CCDC160: variants seen among roughly 807,000 people sequenced by gnomAD.
CCDC160 encodes the protein coiled-coil domain containing 160.
For missense variants in CCDC160, 227 were observed against 215.6 expected, an observed-to-expected ratio of 1.05 and a Z score of -0.33; for synonymous variants, 94 against 79.4, an observed-to-expected ratio of 1.18 and a Z score of -0.98.
chrX:134,237,709 C>G (rs749322697), intron 1 of CCDC160, among the ~76,000 whole-genome samples: 1 of 112,068 alleles, frequency 8.9e-6, no homozygotes, highest in South Asian at 3.8e-4. Flanking sequence ...TTTCAGTTAA[C>G]AATTTACAGA....
At chrX:134,245,739 A>G (rs2077041387) in exon 2 of CCDC160, 1 of 1,169,048 alleles carries the variant, frequency 8.6e-7, no homozygotes, top group Non-Finnish European at 1.1e-6. Context: ...TGGTAACATC[A>G]TCAAGTATCC....
intron 1 of CCDC160, among the ~76,000 whole-genome samples, chrX:134,241,330 T>C (rs906191760): frequency 2.7e-5 from 3 of 111,992 alleles, no homozygotes; most frequent in Non-Finnish European, 5.6e-5. Context: ...ATATTCAATT[T>C]ATTTTATCAG....
downstream of CCDC160, among the ~76,000 whole-genome samples, chrX:134,246,400 A>G (rs2077043336): frequency 8.9e-6 from 1 of 111,843 alleles, no homozygotes; most frequent in Admixed American, 9.5e-5. Flanking sequence ...ATAGACTACA[A>G]GACGACTTAG....
intron 1 of CCDC160, among the ~76,000 whole-genome samples, chrX:134,238,286 T>C (rs1263499639): frequency 9.0e-6 from 1 of 110,644 alleles, no homozygotes; most frequent in African/African-American, 3.3e-5. Flanking sequence ...GGGAAATGGG[T>C]TGACAAAAAG....
chrX:134,239,923 A>G (rs951507372), intron 1 of CCDC160, among the ~76,000 whole-genome samples: 3 of 111,858 alleles, frequency 2.7e-5, no homozygotes, highest in East Asian at 5.6e-4. Flanking sequence ...CATAGTCCAC[A>G]CTCAGTTCCT....
downstream of CCDC160, chrX:134,246,004 AGTGTGTGTGTGTGTGT>A: frequency 4.9e-6 from 1 of 204,976 alleles, no homozygotes; most frequent in Non-Finnish European, 8.6e-6. Flanking sequence ...CTCATATCAG[AGTGTGTGTGTGTGTGT>A]GTGTGTGTGT....
chrX:134,237,371 C>A (rs1042914185), intron 1 of CCDC160, 28 bp downstream of exon 1: 3 of 113,014 alleles, frequency 2.7e-5, no homozygotes, highest in Non-Finnish European at 5.6e-5. Flanking sequence ...AAAGCCCGGG[C>A]TCCCCCGGGC....
intron 1 of CCDC160, among the ~76,000 whole-genome samples, chrX:134,241,205 T>C (rs1195489167): frequency 1.8e-5 from 2 of 112,017 alleles, no homozygotes; most frequent in Admixed American, 9.5e-5. Flanking sequence ...TATTTGAGAA[T>C]AGATGTGCAT....
chrX:134,238,936 C>G (rs1306328834), intron 1 of CCDC160, 96 bp downstream of exon 2: 1 of 111,359 alleles, frequency 9.0e-6, no homozygotes, highest in South Asian at 3.9e-4. Context: ...TGATCGTCTG[C>G]ATTGTCAGTA....
intron 1 of CCDC160, among the ~76,000 whole-genome samples, chrX:134,237,857 A>G (rs978065132): frequency 4.5e-5 from 5 of 111,613 alleles, no homozygotes; most frequent in Admixed American, 9.5e-5. Context: ...CACACTAATA[A>G]CAAAGAACTG....
rs374817767 is a variant in CCDC160 at position 134,242,599 on chromosome X, A to G, written c.-24-2178A>G. ...TGTGTGTGTGTGTGCATGTGTGCATATGTGTATGTGTTTTGCCAGAGATTT... is the reference window on the plus strand; with the variant it reads ...TGTGTGTGTGTGTGCATGTGTGCATGTGTGTATGTGTTTTGCCAGAGATTT... On this transcript the variant is annotated intron_variant, in intron 1 of 1. Coordinates refer to ENST00000370809, the Ensembl canonical transcript of CCDC160. Among the ~76,000 whole-genome samples the G allele has an allele frequency of 3.6e-5, 4 of 110,706 alleles. No individual in the cohort carries two copies. In the Admixed American group the frequency reaches 3.9e-4, roughly 11 times the overall value.
chrX:134,239,467 A>C (rs1214543105), intron 1 of CCDC160, among the ~76,000 whole-genome samples: 1 of 112,262 alleles, frequency 8.9e-6, no homozygotes, highest in Non-Finnish European at 1.9e-5. Context: ...AAATCAATTC[A>C]GCTTCAGAAA....
intron 1 of CCDC160, among the ~76,000 whole-genome samples, chrX:134,240,267 A>G (rs2077023025): frequency 8.9e-6 from 1 of 112,350 alleles, no homozygotes; most frequent in Admixed American, 9.4e-5. Context: ...TTTGTAACAG[A>G]TTTTTTTCCT....
At chrX:134,240,094 G>C (rs1281765845) in intron 1 of CCDC160, among the ~76,000 whole-genome samples, 1 of 111,959 alleles carries the variant, frequency 8.9e-6, no homozygotes, top group Non-Finnish European at 1.9e-5. Context: ...TCCCCTATAG[G>C]GGGCAGGTCA....
chrX:134,240,007 A>T (rs2077022249), intron 1 of CCDC160, among the ~76,000 whole-genome samples: 1 of 111,864 alleles, frequency 8.9e-6, no homozygotes, highest in East Asian at 2.8e-4. Context: ...TTAACTTCAG[A>T]CAGTTCATTT....
intron 1 of CCDC160, among the ~76,000 whole-genome samples, 190 bp from the exon 3 acceptor site, chrX:134,244,587 T>G (rs1313714339): frequency 8.9e-6 from 1 of 112,092 alleles, no homozygotes; most frequent in Non-Finnish European, 1.9e-5. Flanking sequence ...TCTGTAGAAC[T>G]TAGCTCTTTC....
intron 1 of CCDC160, 143 bp downstream of exon 2, chrX:134,238,983 AGTG>A (rs1028655011): frequency 1.8e-5 from 2 of 112,080 alleles, no homozygotes; most frequent in African/African-American, 6.5e-5. Flanking sequence ...ACAAAGGAAA[AGTG>A]TCCTGAAGAC....
At chrX:134,239,941 G>A (rs1355460595) in intron 1 of CCDC160, among the ~76,000 whole-genome samples, 4 of 111,762 alleles carry the variant, frequency 3.6e-5, no homozygotes, top group Non-Finnish European at 7.5e-5. Flanking sequence ...CCTTTCTCAG[G>A]AACTTCCTTT....
downstream of CCDC160, among the ~76,000 whole-genome samples, chrX:134,246,572 G>A (rs1430796425): frequency 1.8e-5 from 2 of 111,964 alleles, no homozygotes; most frequent in African/African-American, 6.5e-5. Flanking sequence ...CAAGTTGGCG[G>A]GGACTGTGGT....
Sources: allele counts gnomAD v4.1 joint callset (sites outside exome capture counted in the v4.1 genomes callset), GRCh38; gene constraint gnomAD v4.1.1; transcripts MANE v1.5; gene names NCBI Gene and HGNC (gene_info 2026-07-23, HGNC 2026-07-21).